The following SEL1L2 variants were observed in gnomAD, a reference collection of about 807,000 sequenced individuals.
SEL1L2 encodes the protein protein sel-1 homolog 2.
Under a neutral mutation model 98.8 loss-of-function variants are expected in SEL1L2, and 89 were observed. The observed-to-expected ratio is 0.90, with a 90% CI of 0.76 to 1.07. The LOEUF (loss-of-function observed/expected upper bound fraction) is 1.07. SEL1L2 is among the 50% of genes least tolerant of loss of function. The pLI, the probability that SEL1L2 is intolerant of heterozygous loss-of-function variation, is 0.00. For missense variants in SEL1L2, 788 were observed against 812.0 expected (o/e 0.97, Z 0.36); for synonymous variants, 262 against 278.5 (o/e 0.94, Z 0.59).
intron 4 of SEL1L2, among the ~76,000 whole-genome samples, chr20:13,916,715 A>G (rs550162879): frequency 6.6e-6 from 1 of 152,224 alleles, no homozygotes; most frequent in East Asian, 1.9e-4. Context: ...CTGAGGCAGG[A>G]GAATCGCTTG....
chr20:13,913,185 T>C (rs2048273761), intron 5 of SEL1L2, among the ~76,000 whole-genome samples: 1 of 152,204 alleles, frequency 6.6e-6, no homozygotes, highest in Non-Finnish European at 1.5e-5. Context: ...CAGAAAAAAA[T>C]GGTTTTCATA....
chr20:13,858,829 C>T (rs1428672992), intron 18 of SEL1L2, among the ~76,000 whole-genome samples: 2 of 152,162 alleles, frequency 1.3e-5, no homozygotes, highest in Non-Finnish European at 2.9e-5. Context: ...CTTCATAAGA[C>T]TTTTCTGGAT....
intron 1 of SEL1L2, among the ~76,000 whole-genome samples, chr20:13,969,849 T>C (rs2051204147): frequency 6.6e-6 from 1 of 152,186 alleles, no homozygotes; most frequent in African/African-American, 2.4e-5. Flanking sequence ...AGTGACTAAA[T>C]AAATTTGCCT....
chr20:13,959,119 A>C (rs1023995725), intron 1 of SEL1L2, among the ~76,000 whole-genome samples: 2 of 152,172 alleles, frequency 1.3e-5, no homozygotes, highest in Non-Finnish European at 2.9e-5. Context: ...CAAATTGGAA[A>C]GATGAAAAAG....
intron 1 of SEL1L2, among the ~76,000 whole-genome samples, chr20:13,988,899 GT>G (rs1336670127): frequency 6.6e-6 from 1 of 152,144 alleles, no homozygotes. Context: ...CTGTAATTCA[GT>G]TACTTGGGAG....
At chr20:13,873,181 G>T (rs2046282447) in intron 12 of SEL1L2, among the ~76,000 whole-genome samples, 1 of 151,456 alleles carries the variant, frequency 6.6e-6, no homozygotes, top group Non-Finnish European at 1.5e-5. Flanking sequence ...GTAGACACGG[G>T]ATTTCACCAT....
At chr20:13,956,381 A>T (rs2050545161) in intron 1 of SEL1L2, among the ~76,000 whole-genome samples, 1 of 152,154 alleles carries the variant, frequency 6.6e-6, no homozygotes. Context: ...AAATTGAGTT[A>T]ATAACATGAA....
At chr20:13,862,226 A>T (rs1261363145) in intron 17 of SEL1L2, among the ~76,000 whole-genome samples, 1 of 152,228 alleles carries the variant, frequency 6.6e-6, no homozygotes, top group Non-Finnish European at 1.5e-5. Context: ...TCCAACAAAC[A>T]TGAATATGTC....
Position 13,919,044 on chromosome 20 carries a change from A to G in SEL1L2, c.363T>C (p.Ser121=), listed in dbSNP as rs771966349. 1 of 1,612,696 alleles carries G rather than the reference A, an allele frequency of 6.2e-7. No individual in the cohort carries two copies. Reference sequence around the variant, plus strand: ...ACTCTTCTTTTTGTTTTTGGCTTTTAGACTGCTGGAGAACCTTGATGCCCA... The same window carrying G: ...ACTCTTCTTTTTGTTTTTGGCTTTTGGACTGCTGGAGAACCTTGATGCCCA... ...FKMGIKVLQQ[S]KSQKQKEEAY... The change falls in exon 4 of 20, where the codon TCT becomes TCC. Residue 121 remains serine, a synonymous_variant. Coordinates refer to ENST00000284951, the MANE Select transcript of SEL1L2 (RefSeq NM_025229.2).
At chr20:13,953,678 A>C (rs2050381559) in intron 2 of SEL1L2, among the ~76,000 whole-genome samples, 1 of 152,156 alleles carries the variant, frequency 6.6e-6, no homozygotes, top group African/African-American at 2.4e-5. Context: ...TTGTGAGCCC[A>C]CTGGCAGGAA....
chr20:13,858,550 A>C (rs1989532871), intron 18 of SEL1L2, among the ~76,000 whole-genome samples: 2 of 152,164 alleles, frequency 1.3e-5, no homozygotes, highest in South Asian at 4.2e-4. Flanking sequence ...AATGACAGAA[A>C]CGCATAGCCC....
At chr20:13,938,547 A>C (rs1424586016) in intron 2 of SEL1L2, among the ~76,000 whole-genome samples, 1 of 152,204 alleles carries the variant, frequency 6.6e-6, no homozygotes, top group Non-Finnish European at 1.5e-5. Context: ...ACATGTTAAC[A>C]TATAAACATA....
chr20:13,903,817 GA>G (rs137870908), intron 5 of SEL1L2, among the ~76,000 whole-genome samples: 2 of 151,134 alleles, frequency 1.3e-5, no homozygotes, highest in African/African-American at 2.4e-5. Context: ...TCCATCTTAA[GA>G]AAAAAAAAGT....
At chr20:13,872,769 G>T (rs1167615643) in intron 12 of SEL1L2, among the ~76,000 whole-genome samples, 4 of 150,180 alleles carry the variant, frequency 2.7e-5, no homozygotes, top group Admixed American at 2.6e-4. Context: ...TGCCTATTTA[G>T]AACTTGTCAG....
intron 12 of SEL1L2, among the ~76,000 whole-genome samples, chr20:13,873,796 A>G (rs1354043190): frequency 1.3e-5 from 2 of 152,132 alleles, no homozygotes; most frequent in African/African-American, 4.8e-5. Context: ...GCAGACAGGC[A>G]TTTCTTTGGC....
chr20:13,961,577 T>C (rs1030472753), intron 1 of SEL1L2, among the ~76,000 whole-genome samples: 15 of 152,132 alleles, frequency 9.9e-5, no homozygotes, highest in Non-Finnish European at 1.9e-4. Context: ...TTAAAAGAAA[T>C]TGAGACAGTT....
rs200234722 is a variant in SEL1L2, at chr20:13,990,523, C to A, written c.12G>T (p.Leu4Phe). The change falls in exon 1 of 20, where the codon TTG becomes TTT. Residue 4 changes from leucine to phenylalanine, a missense_variant. Coordinates refer to ENST00000284951, the MANE Select transcript of SEL1L2 (RefSeq NM_025229.2). ...TTATCAATATCTCTATTAACAGAGA[C>A]AAGGGCTTCATCTTCTCTTAAGCAG... MKPLSLLIEILIIL... is the reference protein window; with the variant it reads MKPFSLLIEILIIL... 2.6e-5 allele frequency: 42 copies of A among 1,612,202 alleles called. No individual in the cohort carries two copies. Among genetic ancestry groups the A allele is most frequent in the Non-Finnish European group, 3.3e-5 (39 of 1,178,886 alleles).
At chr20:13,865,694 T>A (rs2147816397) in intron 15 of SEL1L2, among the ~76,000 whole-genome samples, 180 bp from the exon 16 acceptor site, 1 of 152,280 alleles carries the variant, frequency 6.6e-6, no homozygotes, top group South Asian at 2.1e-4. Flanking sequence ...GGCACAAAGA[T>A]CAGAAGTGTT....
At chr20:13,924,588 G>T (rs1347333330) in intron 3 of SEL1L2, among the ~76,000 whole-genome samples, 3 of 151,856 alleles carry the variant, frequency 2.0e-5, no homozygotes, top group Non-Finnish European at 4.4e-5. Context: ...ACCATGCCTG[G>T]CTAATTTCTT....
Sources: gnomAD v4.1 joint callset for allele counts (sites outside exome capture counted in the v4.1 genomes callset) on GRCh38, gnomAD v4.1.1 for gene constraint, MANE v1.5 for transcripts, NCBI Gene and HGNC (gene_info 2026-07-23, HGNC 2026-07-21) for gene names.